TAF3: variants seen among roughly 807,000 people sequenced by gnomAD.
The protein encoded by TAF3 is transcription initiation factor TFIID subunit 3.
TAF3 carries 7 observed loss-of-function variants against 80.6 expected under a neutral mutation model. The observed-to-expected ratio is 0.09, with a 90% CI of 0.05 to 0.16. The LOEUF (loss-of-function observed/expected upper bound fraction) is 0.16. Ranked by LOEUF, TAF3 falls within the 10% of genes least tolerant of loss-of-function variation. The pLI, the probability that TAF3 is intolerant of heterozygous loss-of-function variation, is 1.00. For synonymous variants in TAF3, 444 were observed against 446.1 expected, an observed-to-expected ratio of 1.00 and a Z score of 0.06; for missense variants, 921 against 1,140.2, an observed-to-expected ratio of 0.81 and a Z score of 2.77.
chr10:7,985,780 C>CT (rs71477297), intron 4 of TAF3, among the ~76,000 whole-genome samples: 13,359 of 107,970 alleles, frequency 0.12, 1,263 homozygotes, highest in African/African-American at 0.2. Flanking sequence ...TTCTCTCTCT[C>CT]TTTTTTTTTT....
Position 8,004,323 on chromosome 10 carries a change from C to T in TAF3, c.2316-4755C>T, listed in dbSNP as rs557398070. ...TCGGCCTCCCAAAGTGCTGGGATTA[C>T]GGGCATGAGCCAATGTGCCTGGTCC... On this transcript the variant is annotated intron_variant, in intron 4 of 6. Coordinates refer to ENST00000344293, the MANE Select transcript of TAF3 (RefSeq NM_031923.4). Among the ~76,000 whole-genome samples, 430 of 152,260 alleles carry T rather than the reference C, an allele frequency of 2.8e-3. 1 individual carries two copies. Among genetic ancestry groups the T allele is most frequent in the African/African-American group, 9.6e-3 (398 of 41,558 alleles).
At chr10:7,861,238 C>G (rs183435337) in intron 2 of TAF3, among the ~76,000 whole-genome samples, 1 of 152,130 alleles carries the variant, frequency 6.6e-6, no homozygotes, top group Non-Finnish European at 1.5e-5. Flanking sequence ...GCTGGGATTA[C>G]AGGCGTGAGC....
intron 2 of TAF3, among the ~76,000 whole-genome samples, chr10:7,866,205 A>G (rs916031664): frequency 6.6e-6 from 1 of 152,226 alleles, no homozygotes; most frequent in Non-Finnish European, 1.5e-5. Context: ...TTCTTTCAGC[A>G]CATGTCCACT....
intron 4 of TAF3, among the ~76,000 whole-genome samples, chr10:7,983,460 T>C (rs1252772220): frequency 1.3e-5 from 2 of 152,250 alleles, no homozygotes; most frequent in Non-Finnish European, 2.9e-5. Context: ...ACTTTAGATG[T>C]AACGTTTGGG....
intron 1 of TAF3, among the ~76,000 whole-genome samples, chr10:7,823,634 C>CTTTTTT (rs71515490): frequency 7.4e-6 from 1 of 135,910 alleles, no homozygotes; most frequent in African/African-American, 2.7e-5. Flanking sequence ...GATGCCATCT[C>CTTTTTT]TTTTTTTTTT....
At chr10:7,826,132 A>G (rs11255386) in intron 2 of TAF3, among the ~76,000 whole-genome samples, 10 of 152,050 alleles carry the variant, frequency 6.6e-5, no homozygotes, top group African/African-American at 2.2e-4. Flanking sequence ...CTGGACAGCT[A>G]CTGGACCTAA....
In TAF3 at chr10:7,840,087, AT is replaced by A. The variant is rs201092119; in HGVS notation, c.409+15537del. ...GGGGGAGTATTTAAGGGATTGAAAA[AT>A]TTTTTTTTTAAGTTTTAATGTTTCT... On this transcript the variant is annotated intron_variant, in intron 2 of 6. Transcript: ENST00000344293. 5.8e-3 allele frequency among the ~76,000 whole-genome samples: 869 copies of A among 150,874 alleles called. 15 individuals are homozygous for A. The highest frequency in any genetic ancestry group is 0.02 in the African/African-American group (843 of 41,176).
At chr10:7,902,436 T>G (rs7069059) in intron 2 of TAF3, among the ~76,000 whole-genome samples, 1,547 of 152,006 alleles carry the variant, frequency 0.01, 28 homozygotes, top group African/African-American at 0.036. Context: ...AAAAAAATAA[T>G]AAAAAAAGAA....
At chr10:7,876,370 T>G (rs1007179792) in intron 2 of TAF3, among the ~76,000 whole-genome samples, 1 of 152,200 alleles carries the variant, frequency 6.6e-6, no homozygotes, top group Non-Finnish European at 1.5e-5. Context: ...TTCTCTAAAA[T>G]TAATTAGGAA....
At chr10:7,974,292 G>A (rs1000670167) in intron 3 of TAF3, among the ~76,000 whole-genome samples, 5 of 152,142 alleles carry the variant, frequency 3.3e-5, no homozygotes, top group African/African-American at 1.2e-4. Flanking sequence ...GGTAAATGAA[G>A]GAGACATCAG....
At chr10:7,958,873 G>A (rs1011159905) in intron 2 of TAF3, among the ~76,000 whole-genome samples, 1 of 152,070 alleles carries the variant, frequency 6.6e-6, no homozygotes, top group South Asian at 2.1e-4. Flanking sequence ...GGTGGCTCAC[G>A]CCTGTAATCC....
rs1831558771 is a variant in TAF3, at chr10:7,965,289, A to G, written c.1779A>G (p.Lys593=). Residue 593 remains lysine, a synonymous_variant, in exon 3 of 7, where the codon AAA becomes AAG. Transcript: ENST00000344293. ...CAGATCCCTACAAGTTTAAAATCAA[A>G]GAATTTGAAGATGTTGATCCCAAAG... is the stretch of plus-strand genomic sequence containing the variant. ...EEADPYKFKI[K]EFEDVDPKVK... 6.2e-7 allele frequency: 1 copy of G among 1,607,160 alleles called. No individual in the cohort carries two copies. Among genetic ancestry groups the G allele is most frequent in the Non-Finnish European group, 8.5e-7 (1 of 1,178,462 alleles).
chr10:7,964,366 C>T lies in TAF3; in HGVS notation c.856C>T (p.Pro286Ser), dbSNP rs1588568642. Residue 286 changes from proline to serine, a missense_variant, in exon 3 of 7, where the codon CCT becomes TCT. Physicochemically the swap from Pro to Ser is moderately conservative, Grantham distance 74. Around this residue, in one of 6 missense-constraint regions of TAF3, gnomAD observed 743 missense variants for 821.0 expected, o/e 0.90. Transcript: ENST00000344293. This position sits in a 1 kb window ranked among gnomAD's most constrained non-coding sequence, Gnocchi z 4.1. ...TSSPGQKTKS[P>S]KTAQSPAMVG... Reference sequence around the variant, plus strand: ...CTCTCCAGGACAGAAGACTAAATCACCTAAAACCGCCCAGTCACCAGCAAT... The same window carrying T: ...CTCTCCAGGACAGAAGACTAAATCATCTAAAACCGCCCAGTCACCAGCAAT... 7 of 1,614,132 alleles carry T rather than the reference C, an allele frequency of 4.3e-6. No homozygotes were observed. The highest frequency in any genetic ancestry group is 5.1e-6 in the Non-Finnish European group (6 of 1,180,022).
At chr10:7,959,178 G>A (rs986281733) in intron 2 of TAF3, among the ~76,000 whole-genome samples, 2 of 151,346 alleles carry the variant, frequency 1.3e-5, no homozygotes, top group Non-Finnish European at 2.9e-5. Context: ...AAAGTTTCAG[G>A]CTTTTTTTTC....
intron 2 of TAF3, among the ~76,000 whole-genome samples, chr10:7,928,449 A>G (rs976378844): frequency 6.6e-6 from 1 of 152,198 alleles, no homozygotes; most frequent in South Asian, 2.1e-4. Flanking sequence ...TGCCATTTTA[A>G]TGCATTTATG....
chr10:7,970,810 A>G (rs1695101416), intron 3 of TAF3, among the ~76,000 whole-genome samples: 1 of 152,224 alleles, frequency 6.6e-6, no homozygotes, highest in African/African-American at 2.4e-5. Flanking sequence ...TTTGTTCTTT[A>G]GAGAATGATA....
chr10:8,013,110 C>T (rs1832069992), intron 5 of TAF3, among the ~76,000 whole-genome samples: 1 of 152,162 alleles, frequency 6.6e-6, no homozygotes, highest in South Asian at 2.1e-4. Context: ...CTGTGGCCTC[C>T]CTATCCCCTT....
chr10:7,912,910 G>C (rs1176761956), intron 2 of TAF3, among the ~76,000 whole-genome samples: 2 of 152,028 alleles, frequency 1.3e-5, no homozygotes, highest in Admixed American at 1.3e-4. Context: ...GTGTCTGCTC[G>C]GGCTGCCATC....
In TAF3 at chr10:7,965,598, G is replaced by C; in HGVS notation, c.2088G>C (p.Val696=). 6.3e-7 allele frequency: 1 copy of C among 1,596,230 alleles called. No homozygotes were observed. Among genetic ancestry groups the C allele is most frequent in the Non-Finnish European group, 8.5e-7 (1 of 1,174,504 alleles). ...AACTGTTTGAGGAGAAAGAGAAGGTGAAGGAGAAAGAAAAGAAAAAGGACA... is the reference window on the plus strand; with the variant it reads ...AACTGTTTGAGGAGAAAGAGAAGGTCAAGGAGAAAGAAAAGAAAAAGGACA... The part of the protein sequence containing the change: ...PEKLFEEKEK[V]KEKEKKKDKK... The change falls in exon 3 of 7, where the codon GTG becomes GTC. Residue 696 remains valine, a synonymous_variant. Coordinates refer to ENST00000344293, the MANE Select transcript of TAF3 (RefSeq NM_031923.4).
Sources: gnomAD v4.1 joint callset for allele counts (sites outside exome capture counted in the v4.1 genomes callset) on GRCh38, gnomAD v4.1.1 for gene constraint, gnomAD v4.1.1 regional missense constraint, Gnocchi (gnomAD v3.1) non-coding constraint, MANE v1.5 for transcripts, NCBI Gene and HGNC (gene_info 2026-07-23, HGNC 2026-07-21) for gene names.